STX19: variants seen among roughly 807,000 people sequenced by gnomAD.
The protein encoded by STX19 is syntaxin 19.
A neutral mutation model predicts 24.3 loss-of-function variants in STX19; 26 were observed. The observed-to-expected ratio is 1.07, with a 90% CI of 0.78 to 1.48. The LOEUF is 1.48. Among genes scored for constraint, STX19 ranks in the 40% most tolerant of loss-of-function variants. The probability of loss-of-function intolerance (pLI) is 0.00; values close to 1 mark genes in which losing one functional copy is unlikely to be tolerated. For synonymous variants in STX19, 116 were observed against 106.9 expected, an observed-to-expected ratio of 1.09 and a Z score of -0.52; for missense variants, 367 against 331.9, an observed-to-expected ratio of 1.11 and a Z score of -0.82.
At chr3:94,021,637 C>T (rs189924682) in intron 1 of STX19, among the ~76,000 whole-genome samples, 114 of 152,262 alleles carry the variant, frequency 7.5e-4, no homozygotes, top group African/African-American at 2.6e-3. Context: ...TTATATACAT[C>T]TGATAAGAAC....
chr3:94,018,833 T>C (rs1575989023), intron 1 of STX19, among the ~76,000 whole-genome samples: 1 of 152,104 alleles, frequency 6.6e-6, no homozygotes, highest in Non-Finnish European at 1.5e-5. Context: ...TGGTGTGGTC[T>C]CGGCTCACTG....
chr3:94,015,396 A>C, intron 1 of STX19, 114 bp from the exon 2 acceptor site: 2 of 705,278 alleles, frequency 2.8e-6, no homozygotes, highest in South Asian at 7.1e-5. Context: ...AGTTTTCTCA[A>C]ATGAGGTTAA....
Position 94,015,200 on chromosome 3 carries a change from A to T in STX19, c.70T>A (p.Ser24Thr). The T allele has an allele frequency of 6.2e-7, 1 of 1,612,626 alleles. No homozygotes were observed. The change falls in exon 2 of 2, where the codon TCA (serine) becomes ACA (threonine). Residue 24 changes from serine to threonine, a missense_variant. Coordinates refer to ENST00000315099, the MANE Select transcript of STX19 (RefSeq NM_001001850.3). ...CCTTGTTCCTCTGTTTCTGTAGTTGATACATGACTGTCTCTAGAGAGTTCA... is the reference window on the plus strand; with the variant it reads ...CCTTGTTCCTCTGTTTCTGTAGTTGTTACATGACTGTCTCTAGAGAGTTCA... ...EIELSRDSHV[S>T]TTETEEQGVF...
chr3:94,020,831 T>G (rs769744856), intron 1 of STX19, among the ~76,000 whole-genome samples: 20 of 152,180 alleles, frequency 1.3e-4, no homozygotes, highest in Non-Finnish European at 2.5e-4. Context: ...GGTAATCTTT[T>G]GTTTTTGCCA....
chr3:94,017,994 A>G (rs529680595), intron 1 of STX19, among the ~76,000 whole-genome samples: 1 of 152,358 alleles, frequency 6.6e-6, no homozygotes, highest in Admixed American at 6.5e-5. Flanking sequence ...TAGGTGCAGT[A>G]GAAGACAGTT....
chr3:94,020,359 G>A (rs777893402), intron 1 of STX19, among the ~76,000 whole-genome samples: 1 of 152,148 alleles, frequency 6.6e-6, no homozygotes, highest in Non-Finnish European at 1.5e-5. Flanking sequence ...CTCAGCTTTA[G>A]TAATTGAACC....
Position 94,014,499 on chromosome 3 carries a change from T to C in STX19, c.771A>G (p.Thr257=). 1 of 1,611,522 alleles carries C rather than the reference T, an allele frequency of 6.2e-7. No individual in the cohort carries two copies. The highest frequency in any genetic ancestry group is 8.5e-7 in the Non-Finnish European group (1 of 1,179,212). Residue 257 remains threonine (T), a synonymous_variant, in exon 2 of 2, where the codon ACA becomes ACG. Transcript: ENST00000315099. ...INNIEMTVNS[T]KEYVNNTKEK... is the part of the protein sequence containing the mutation. ...CTTTAGTATTGTTAACATACTCTTT[T>C]GTACTATTCACTGTCATTTCAATAT... is the stretch of plus-strand genomic sequence containing the variant.
chr3:94,022,593 T>G (rs1456282214), intron 1 of STX19, among the ~76,000 whole-genome samples: 1 of 152,164 alleles, frequency 6.6e-6, no homozygotes, highest in Non-Finnish European at 1.5e-5. Flanking sequence ...ACCCAAATAT[T>G]ATTTATATGT....
intron 1 of STX19, among the ~76,000 whole-genome samples, chr3:94,020,434 CTT>C (rs771471793): frequency 6.6e-6 from 1 of 152,072 alleles, no homozygotes; most frequent in African/African-American, 2.4e-5. Context: ...GGACTCAACT[CTT>C]TATACGACAG....
At position 94,015,189 on chromosome 3, in the gene STX19, T is replaced by G. The variant is rs749882541; in HGVS notation, c.81A>C (p.Glu27Asp). The change falls in exon 2 of 2, where the codon GAA (glutamate) becomes GAC (aspartate). Residue 27 changes from glutamate to aspartate, a missense_variant. Transcript: ENST00000315099. ...LSRDSHVSTT[E>D]TEEQGVFLQQ... ...GTAGAAACACCCCTTGTTCCTCTGT[T>G]TCTGTAGTTGATACATGACTGTCTC... 5 of 1,613,548 alleles carry G rather than the reference T, an allele frequency of 3.1e-6. No individual in the cohort carries two copies. The highest frequency in any genetic ancestry group is 4.2e-6 in the Non-Finnish European group (5 of 1,179,828).
chr3:94,023,714 C>A (rs1576001050), intron 1 of STX19, among the ~76,000 whole-genome samples: 1 of 152,066 alleles, frequency 6.6e-6, no homozygotes, highest in Admixed American at 6.5e-5. Context: ...TTCTTTTTCC[C>A]CTATTGTCTA....
chr3:94,017,840 G>A (rs943803087), intron 1 of STX19, among the ~76,000 whole-genome samples: 4 of 152,054 alleles, frequency 2.6e-5, no homozygotes, highest in Non-Finnish European at 5.9e-5. Flanking sequence ...ATATGTTTTA[G>A]GAACAGAGTT....
chr3:94,023,189 C>T (rs1575999903), intron 1 of STX19, among the ~76,000 whole-genome samples: 1 of 151,966 alleles, frequency 6.6e-6, no homozygotes, highest in East Asian at 1.9e-4. Context: ...CTGTCCTATA[C>T]TTGAATACTA....
chr3:94,026,883 C>T (rs903653996), intron 1 of STX19, among the ~76,000 whole-genome samples: 2 of 152,022 alleles, frequency 1.3e-5, no homozygotes, highest in African/African-American at 4.8e-5. Context: ...AACACTAACT[C>T]GTATGTATGA....
Position 94,014,845 on chromosome 3 carries a change from C to G in STX19, c.425G>C (p.Arg142Pro). The G allele has an allele frequency of 6.2e-7, 1 of 1,614,002 alleles. No homozygotes were observed. The highest frequency in any genetic ancestry group is 8.5e-7 in the Non-Finnish European group (1 of 1,179,958). The change falls in exon 2 of 2, where the codon CGC (arginine) becomes CCC (proline). Residue 142 changes from arginine to proline, a missense_variant. Arg to Pro is a moderately radical substitution (Grantham distance 103). Coordinates refer to ENST00000315099, the MANE Select transcript of STX19 (RefSeq NM_001001850.3). ...TATAAACATGATTTGCTGAAAATGG[C>G]GGAACATTGCAGCATGCTGAGATTT... ...ILKSQHAAMF[R>P]HFQQIMFIYN...
chr3:94,018,144 C>G (rs1293871719), intron 1 of STX19, among the ~76,000 whole-genome samples: 1 of 152,144 alleles, frequency 6.6e-6, no homozygotes, highest in East Asian at 1.9e-4. Flanking sequence ...GCCATCTGTT[C>G]GCCTTGTCCT....
chr3:94,025,237 A>G (rs1422809074), intron 1 of STX19, among the ~76,000 whole-genome samples: 1 of 151,324 alleles, frequency 6.6e-6, no homozygotes, highest in Non-Finnish European at 1.5e-5. Flanking sequence ...ATTAATCTTA[A>G]TGAATTTACA....
At chr3:94,028,117 TAAA>T (rs975397939) in intron 1 of STX19, among the ~76,000 whole-genome samples, 1 of 152,182 alleles carries the variant, frequency 6.6e-6, no homozygotes, top group Non-Finnish European at 1.5e-5. Context: ...TTAAAAGACT[TAAA>T]AATTTTTTCT....
chr3:94,022,562 T>C (rs2076470880), intron 1 of STX19, among the ~76,000 whole-genome samples: 1 of 152,204 alleles, frequency 6.6e-6, no homozygotes, highest in Admixed American at 6.5e-5. Flanking sequence ...ATCAATATTT[T>C]GTGTTTACAT....
Sources: gnomAD v4.1 joint callset for allele counts (sites outside exome capture counted in the v4.1 genomes callset) on GRCh38, gnomAD v4.1.1 for gene constraint, MANE v1.5 for transcripts, NCBI Gene and HGNC (gene_info 2026-07-23, HGNC 2026-07-21) for gene names.